VAC14: variants seen among roughly 807,000 people sequenced by gnomAD.
VAC14 encodes the protein protein VAC14 homolog.
In VAC14, 47 loss-of-function variants were observed where a neutral mutation model predicts 85.3. That is an observed-to-expected ratio of 0.55 (90% confidence interval 0.44 to 0.70). VAC14 has a LOEUF of 0.70. Ranked by LOEUF, VAC14 falls within the 30% of genes least tolerant of loss-of-function variation. The pLI is 0.00. For synonymous variants in VAC14, 447 were observed against 430.5 expected, an observed-to-expected ratio of 1.04 and a Z score of -0.47; for missense variants, 861 against 1,004.3, an observed-to-expected ratio of 0.86 and a Z score of 1.93.
At chr16:70,725,286 T>C (rs1242937146) in intron 14 of VAC14, among the ~76,000 whole-genome samples, 1 of 152,194 alleles carries the variant, frequency 6.6e-6, no homozygotes, top group Non-Finnish European at 1.5e-5. Flanking sequence ...ATGTGGGAGC[T>C]GGGCTTGGGA....
chr16:70,697,306 C>T, intron 15 of VAC14, 49 bp from the exon 16 acceptor site: 5 of 1,523,094 alleles, frequency 3.3e-6, no homozygotes, highest in Non-Finnish European at 4.5e-6. Flanking sequence ...CTCCTTGCCC[C>T]TACCCGGTCC....
intron 10 of VAC14, among the ~76,000 whole-genome samples, chr16:70,763,768 T>G (rs932139422): frequency 1.3e-5 from 2 of 152,224 alleles, no homozygotes; most frequent in African/African-American, 4.8e-5. Context: ...CTGGCTTCTG[T>G]GGACTGAAGT....
Position 70,762,509 on chromosome 16 carries a change from T to C in VAC14, c.1371+31A>G. 1 of 1,610,814 alleles carries C rather than the reference T, an allele frequency of 6.2e-7. No homozygotes were observed. Among genetic ancestry groups the C allele is most frequent in the Non-Finnish European group, 8.5e-7 (1 of 1,177,166 alleles). On this transcript the variant is annotated intron_variant, in intron 12 of 18. Transcript: ENST00000261776. This position sits in a 1 kb window ranked among gnomAD's most constrained non-coding sequence, Gnocchi z 4.1. ...CAAGGGGAGGCAGGGCAGCCGATGT[T>C]CCATAAGTACGGGTGGCGTTGGTGA...
intron 13 of VAC14, among the ~76,000 whole-genome samples, chr16:70,736,525 C>T (rs116719656): frequency 0.015 from 2,311 of 152,300 alleles, 66 homozygotes; most frequent in African/African-American, 0.053. Flanking sequence ...TCTCCGCTGA[C>T]AGTCTGGCTA....
At chr16:70,724,888 G>A (rs1043379201) in intron 14 of VAC14, among the ~76,000 whole-genome samples, 2 of 152,348 alleles carry the variant, frequency 1.3e-5, no homozygotes, top group South Asian at 2.1e-4. Flanking sequence ...ATACGGCTAC[G>A]GACTTATGAA....
intron 14 of VAC14, among the ~76,000 whole-genome samples, chr16:70,708,518 T>C (rs936303): frequency 0.39 from 59,932 of 151,964 alleles, 15,100 homozygotes; most frequent in Non-Finnish European, 0.55. Flanking sequence ...TTTCGCATTC[T>C]GCAAGGAGTC....
At chr16:70,727,850 G>A (rs1346941464) in intron 14 of VAC14, among the ~76,000 whole-genome samples, 2 of 152,246 alleles carry the variant, frequency 1.3e-5, no homozygotes, top group Non-Finnish European at 2.9e-5. Context: ...GGCTGGGCCT[G>A]CAACCCTGGA....
chr16:70,730,494 T>C (rs1274899920), intron 14 of VAC14, among the ~76,000 whole-genome samples: 2 of 151,584 alleles, frequency 1.3e-5, no homozygotes, highest in African/African-American at 4.9e-5. Context: ...CCCCAGACCA[T>C]GGTAGTCGGT....
At chr16:70,738,710 C>T (rs1567553762) in intron 13 of VAC14, among the ~76,000 whole-genome samples, 2 of 152,166 alleles carry the variant, frequency 1.3e-5, no homozygotes, top group Non-Finnish European at 1.5e-5. Flanking sequence ...GATTGGTGCC[C>T]CTGCCTTCCA....
chr16:70,701,730 ACAAACCCAGCCCCT>A (rs2053832027), intron 14 of VAC14, among the ~76,000 whole-genome samples: 1 of 152,152 alleles, frequency 6.6e-6, no homozygotes, highest in Non-Finnish European at 1.5e-5. Context: ...TGGATCTGAA[ACAAACCCAGCCCCT>A]CACCTCGGCC....
At chr16:70,794,508 G>A (rs1379957458) in intron 1 of VAC14, among the ~76,000 whole-genome samples, 4 of 152,136 alleles carry the variant, frequency 2.6e-5, no homozygotes, top group African/African-American at 9.7e-5. Flanking sequence ...TGCCCACACG[G>A]GCCAGGCAGG....
At position 70,688,240 on chromosome 16, in the gene VAC14, C is replaced by CG. The variant is rs1333215917; in HGVS notation, c.2187-151dup. On this transcript the variant is annotated intron_variant, in intron 18 of 18. Coordinates refer to ENST00000261776, the MANE Select transcript of VAC14 (RefSeq NM_018052.5). The stretch of plus-strand genomic sequence containing the variant: ...AGGCCTGGCAACTCTTCCGTCATGG[C>CG]GGGCCCCAGAGCTGGGAAGCCCCTG... 1.6e-5 allele frequency: 20 copies of CG among 1,276,540 alleles called. No individual in the cohort carries two copies. The African/African-American group carries it at 3.4e-4, about 21-fold the overall frequency. The allele number at this position is 1,276,540 out of a possible 1,614,324, so 79.1% of individuals were successfully genotyped here. A position where few individuals can be genotyped will look rare whatever the true frequency, so the allele number is the denominator to read the frequency against.
chr16:70,714,952 G>C (rs2054129072), intron 14 of VAC14: 2 of 152,384 alleles, frequency 1.3e-5, no homozygotes, highest in African/African-American at 4.8e-5. Flanking sequence ...CCGTCCCACT[G>C]GAAGCTCTGT....
intron 14 of VAC14, among the ~76,000 whole-genome samples, chr16:70,717,475 G>A (rs959523158): frequency 2.0e-5 from 3 of 151,948 alleles, no homozygotes; most frequent in East Asian, 1.9e-4. Flanking sequence ...TGTATTTTCC[G>A]GATATAGATC....
intron 10 of VAC14, chr16:70,768,333 T>C (rs8058702): frequency 0.073 from 11,498 of 157,708 alleles, 1,422 homozygotes; most frequent in African/African-American, 0.26. Flanking sequence ...AGTTAGGGCA[T>C]GAATCCAGGC....
intron 14 of VAC14, among the ~76,000 whole-genome samples, chr16:70,719,521 C>T (rs987347666): frequency 2.0e-5 from 3 of 152,014 alleles, no homozygotes; most frequent in Non-Finnish European, 4.4e-5. Context: ...AGGACTTCCA[C>T]AAATCAATAA....
intron 12 of VAC14, 37 bp from the exon 13 acceptor site, chr16:70,744,616 C>T (rs200289482): frequency 8.1e-5 from 126 of 1,552,262 alleles, no homozygotes; most frequent in African/African-American, 4.1e-4. Context: ...ATGAGCTCTC[C>T]GCTGAGAGCT....
At chr16:70,698,833 G>A (rs779628742) in intron 14 of VAC14, 22 bp from the exon 15 acceptor site, 21 of 1,612,412 alleles carry the variant, frequency 1.3e-5, no homozygotes, top group East Asian at 2.2e-5. Flanking sequence ...GCAGACTGGG[G>A]TCAGGGCGCA....
Position 70,786,488 on chromosome 16 carries a change from C to CT in VAC14, c.105-124dup, listed in dbSNP as rs998140951. The CT allele has an allele frequency of 1.4e-5, 19 of 1,326,932 alleles. No homozygotes were observed. The African/African-American group carries it at 2.3e-4, about 16-fold the overall frequency. The allele number at this position is 1,326,932 out of a possible 1,614,324, so 82.2% of individuals were successfully genotyped here. A position where few individuals can be genotyped will look rare whatever the true frequency, so the allele number is the denominator to read the frequency against. The stretch of plus-strand genomic sequence containing the variant: ...GAAAGAGGAAATGGGAGACAGGCGT[C>CT]TCAGGGCAGGTCTCAGTTCTGTTGC... On this transcript the variant is annotated intron_variant, in intron 1 of 18. Transcript: ENST00000261776.
Sources: gnomAD v4.1 joint callset for allele counts (sites outside exome capture counted in the v4.1 genomes callset) on GRCh38, gnomAD v4.1.1 for gene constraint, Gnocchi (gnomAD v3.1) non-coding constraint, MANE v1.5 for transcripts, NCBI Gene and HGNC (gene_info 2026-07-23, HGNC 2026-07-21) for gene names.